TBCE: variants seen among roughly 807,000 people sequenced by gnomAD.
TBCE encodes tubulin folding cofactor E, also known as tubulin-specific chaperone E.
Under a neutral mutation model 77.0 loss-of-function variants are expected in TBCE, and 53 were observed. The observed-to-expected ratio is 0.69, with a 90% confidence interval of 0.55 to 0.87. TBCE has a LOEUF of 0.87. TBCE is among the 40% of genes least tolerant of loss of function. The pLI is 0.00. For missense variants in TBCE, 624 were observed against 622.4 expected (o/e 1.00, Z -0.03); for synonymous variants, 235 against 241.3 (o/e 0.97, Z 0.24).
At chr1:235,388,626 G>A (rs1678182035) in intron 2 of TBCE, among the ~76,000 whole-genome samples, 1 of 152,128 alleles carries the variant, frequency 6.6e-6, no homozygotes, top group Admixed American at 6.6e-5. Flanking sequence ...ATATTCTCAG[G>A]TTCTTGACAT....
At chr1:235,392,911 G>C (rs1054812152) in intron 2 of TBCE, among the ~76,000 whole-genome samples, 5 of 151,890 alleles carry the variant, frequency 3.3e-5, no homozygotes, top group Non-Finnish European at 7.4e-5. Flanking sequence ...CAGCTACTGG[G>C]AGGCTGAGGT....
rs138749985 is a variant in TBCE, at chr1:235,448,387, C to T, written c.1438C>T (p.Arg480Cys). ...TCAAAAGGTGAAGGGATTGCTGTCA[C>T]GTCTTCTCAAAGTTCCTGTGTCAGA... The part of the protein sequence containing the change: ...TIQKVKGLLS[R>C]LLKVPVSDLL... The change falls in exon 16 of 17, where the codon CGT (arginine) becomes TGT (cysteine). Residue 480 changes from arginine to cysteine, a missense_variant. Coordinates refer to ENST00000642610, the MANE Select transcript of TBCE (RefSeq NM_003193.5). The T allele has an allele frequency of 6.2e-6, 10 of 1,614,008 alleles. No homozygotes were observed. Among genetic ancestry groups the T allele is most frequent in the East Asian group, 4.5e-5 (2 of 44,892 alleles).
Position 235,448,663 on chromosome 1 carries a change from ATTTTAGAAGCC to A in TBCE, c.1492-6_1496del, listed in dbSNP as rs1372592190. The A allele has an allele frequency of 3.7e-6, 6 of 1,612,662 alleles. No individual in the cohort carries two copies. Among genetic ancestry groups the A allele is most frequent in the Non-Finnish European group, 4.2e-6 (5 of 1,178,742 alleles). ...CACATCCTTCCCCACCTTCGTTCTA[ATTTTAGAAGCC>A]GGGCAGAGAAATCGAGCTGGAAAAT... is the stretch of plus-strand genomic sequence containing the variant. On this transcript the variant is annotated splice_acceptor_variant and splice_polypyrimidine_tract_variant and coding_sequence_variant and intron_variant, in exon 17 of 17. Transcript: ENST00000642610. LOFTEE classifies it high-confidence loss of function.
rs1421665609 is a variant in TBCE at position 235,451,441 on chromosome 1, G to T, written c.*2679G>T. On this transcript the variant is annotated 3_prime_UTR_variant, in exon 17 of 17. Coordinates refer to ENST00000642610, the MANE Select transcript of TBCE (RefSeq NM_003193.5). ...TCTGTAGGAATGCATTTTAAATAGAGGACTCAGTTTCCAAAGACATGAGAT... is the reference window on the plus strand; with the variant it reads ...TCTGTAGGAATGCATTTTAAATAGATGACTCAGTTTCCAAAGACATGAGAT... The T allele has an allele frequency of 7.1e-6, 1 of 141,034 alleles. No homozygotes were observed. The highest frequency in any genetic ancestry group is 1.5e-5 in the Non-Finnish European group (1 of 66,314). 8.7% of individuals were successfully genotyped at this position (141,034 alleles called of 1,614,324 possible). A position where few individuals can be genotyped will look rare whatever the true frequency, so the allele number is the denominator to read the frequency against.
rs1467240547 is a variant in TBCE at position 235,448,703 on chromosome 1, C to A, written c.1525C>A (p.Leu509Ile). 6.2e-7 allele frequency: 1 copy of A among 1,614,034 alleles called. No homozygotes were observed. Among genetic ancestry groups the A allele is most frequent in the South Asian group, 1.1e-5 (1 of 91,072 alleles). The change falls in exon 17 of 17, where the codon CTA becomes ATA. Residue 509 changes from leucine (L) to isoleucine (I), a missense_variant. Coordinates refer to ENST00000642610, the MANE Select transcript of TBCE (RefSeq NM_003193.5). The stretch of plus-strand genomic sequence containing the variant: ...CAGAGAAATCGAGCTGGAAAATGAC[C>A]TAAAGTCATTACAGTTTTATTCTGT... ...PGREIELENDLKSLQFYSVEN... is the reference protein window; with the variant it reads ...PGREIELENDIKSLQFYSVEN...
intron 4 of TBCE, chr1:235,415,626 T>A (rs1331686519): frequency 6.6e-6 from 1 of 152,200 alleles, no homozygotes; most frequent in African/African-American, 2.4e-5. Flanking sequence ...TTCTTTACTA[T>A]CTTTTGTTAT....
rs1217216796 is a variant in TBCE, at chr1:235,450,410, G to A, written c.*1648G>A. ...TTTAAGAGCATCAGAAAGTATGCAC[G>A]TAGACAGCTTTTATGTATTCTAATG... On this transcript the variant is annotated 3_prime_UTR_variant, in exon 17 of 17. Coordinates refer to ENST00000642610, the MANE Select transcript of TBCE (RefSeq NM_003193.5). 19 of 1,523,290 alleles carry A rather than the reference G, an allele frequency of 1.2e-5. No homozygotes were observed. The South Asian group carries it at 1.4e-4, about 11-fold the overall frequency. 94.4% of individuals were successfully genotyped at this position (1,523,290 alleles called of 1,614,324 possible). A position where few individuals can be genotyped will look rare whatever the true frequency, so the allele number is the denominator to read the frequency against.
chr1:235,396,742 C>T (rs1400235222), intron 2 of TBCE, among the ~76,000 whole-genome samples: 1 of 152,074 alleles, frequency 6.6e-6, no homozygotes, highest in Non-Finnish European at 1.5e-5. Flanking sequence ...TGATGTTGAG[C>T]ACCTTTTCAT....
At chr1:235,428,213 C>T (rs1680848615) in intron 6 of TBCE, among the ~76,000 whole-genome samples, 1 of 151,184 alleles carries the variant, frequency 6.6e-6, no homozygotes, top group Non-Finnish European at 1.5e-5. Context: ...AGTCCCAGCT[C>T]CTCGGGAGGC....
At chr1:235,444,199 C>G (rs1049165998) in intron 15 of TBCE, among the ~76,000 whole-genome samples, 1 of 152,084 alleles carries the variant, frequency 6.6e-6, no homozygotes, top group Admixed American at 6.5e-5. Flanking sequence ...GATTGATAAC[C>G]ATCCATTTAA....
chr1:235,414,565 T>C lies in TBCE; in HGVS notation c.318T>C (p.Ile106=), dbSNP rs763202266. 1.2e-6 allele frequency: 2 copies of C among 1,613,932 alleles called. No individual in the cohort carries two copies. The highest frequency in any genetic ancestry group is 1.7e-6 in the Non-Finnish European group (2 of 1,180,000). The change falls in exon 4 of 17, where the codon ATT becomes ATC. Residue 106 remains isoleucine (I), a synonymous_variant. Coordinates refer to ENST00000642610, the MANE Select transcript of TBCE (RefSeq NM_003193.5). The part of the protein sequence containing the change: ...EEDRKEQIVT[I]GNKPVETIGF... ...ATAGAAAAGAGCAAATTGTTACAAT[T>C]GGAAATAAACCTGTGGAGACTATCG...
At position 235,450,434 on chromosome 1, in the gene TBCE, T is replaced by C. The variant is rs996481636; in HGVS notation, c.*1672T>C. On this transcript the variant is annotated 3_prime_UTR_variant, in exon 17 of 17. Coordinates refer to ENST00000642610, the MANE Select transcript of TBCE (RefSeq NM_003193.5). The stretch of plus-strand genomic sequence containing the variant: ...CGTAGACAGCTTTTATGTATTCTAA[T>C]GATGCTGAAATTATTTCAAGGATAA... 6.4e-6 allele frequency: 9 copies of C among 1,411,118 alleles called. No homozygotes were observed. The highest frequency in any genetic ancestry group is 1.8e-5 in the Admixed American group (1 of 54,244). 87.4% of individuals were successfully genotyped at this position (1,411,118 alleles called of 1,614,324 possible). A position where few individuals can be genotyped will look rare whatever the true frequency, so the allele number is the denominator to read the frequency against.
At chr1:235,414,119 G>C (rs569360916) in intron 3 of TBCE, 17 of 340,408 alleles carry the variant, frequency 5.0e-5, no homozygotes, top group African/African-American at 3.2e-4. Flanking sequence ...GCCTCCCAAA[G>C]TGCTGGGATT....
At chr1:235,436,731 C>T (rs1336841310) in intron 11 of TBCE, 123 bp downstream of exon 11, 3 of 949,236 alleles carry the variant, frequency 3.2e-6, no homozygotes, top group African/African-American at 1.6e-5. Context: ...AATACCTCCT[C>T]AGAGTGAAAC....
At chr1:235,413,688 G>A (rs1480132476) in intron 3 of TBCE, among the ~76,000 whole-genome samples, 2 of 150,854 alleles carry the variant, frequency 1.3e-5, no homozygotes, top group Non-Finnish European at 3.0e-5. Flanking sequence ...AAAAAGTAAT[G>A]ATCGTAAGCT....
At chr1:235,434,137 C>G (rs1681273859) in intron 7 of TBCE, 67 bp from the exon 8 acceptor site, 2 of 1,399,870 alleles carry the variant, frequency 1.4e-6, no homozygotes, top group African/African-American at 1.4e-5. Flanking sequence ...TGTGGTGGTT[C>G]CTATGAACAC....
Position 235,448,890 on chromosome 1 carries a change from A to G in TBCE, c.*128A>G. 1.3e-6 allele frequency: 1 copy of G among 748,346 alleles called. No individual in the cohort carries two copies. Among genetic ancestry groups the G allele is most frequent in the Non-Finnish European group, 2.3e-6 (1 of 430,996 alleles). 46.4% of individuals were successfully genotyped at this position (748,346 alleles called of 1,614,324 possible). A position where few individuals can be genotyped will look rare whatever the true frequency, so the allele number is the denominator to read the frequency against. The stretch of plus-strand genomic sequence containing the variant: ...TTTACAACTTGTCCTAAGTATAACA[A>G]GGGATGTATTTTTTGTTGGGAAGTG... On this transcript the variant is annotated 3_prime_UTR_variant, in exon 17 of 17. Transcript: ENST00000642610.
intron 5 of TBCE, among the ~76,000 whole-genome samples, chr1:235,422,343 C>A (rs1237653185): frequency 6.6e-6 from 1 of 151,956 alleles, no homozygotes; most frequent in Non-Finnish European, 1.5e-5. Context: ...GAAACCTTGT[C>A]TGTACTAAAA....
intron 15 of TBCE, among the ~76,000 whole-genome samples, chr1:235,446,361 G>C (rs1468355432): frequency 1.1e-4 from 17 of 152,046 alleles, no homozygotes; most frequent in Non-Finnish European, 1.5e-5. Context: ...ATTTTTAGTA[G>C]AGACGGGGTT....
Sources: allele counts gnomAD v4.1 joint callset (sites outside exome capture counted in the v4.1 genomes callset), GRCh38; gene constraint gnomAD v4.1.1; transcripts MANE v1.5; gene names NCBI Gene and HGNC (gene_info 2026-07-23, HGNC 2026-07-21).